NRG3: variants seen among roughly 807,000 people sequenced by gnomAD.
NRG3 encodes pro-neuregulin-3, membrane-bound isoform.
A neutral mutation model predicts 66.9 loss-of-function variants in NRG3; 31 were observed. The observed-to-expected ratio is 0.46, with a 90% CI of 0.35 to 0.63. The LOEUF is 0.63. Ranked by LOEUF, NRG3 falls within the 20% of genes least tolerant of loss-of-function variation. The probability of loss-of-function intolerance (pLI) is 0.00; values close to 1 mark genes in which losing one functional copy is unlikely to be tolerated. For synonymous variants in NRG3, 393 were observed against 359.4 expected, an observed-to-expected ratio of 1.09 and a Z score of -1.06; for missense variants, 910 against 878.9, an observed-to-expected ratio of 1.04 and a Z score of -0.45.
intron 1 of NRG3, among the ~76,000 whole-genome samples, chr10:82,059,649 T>C (rs1387338765): frequency 1.3e-5 from 2 of 152,156 alleles, no homozygotes; most frequent in African/African-American, 4.8e-5. Context: ...TTCAAATCAT[T>C]CTTACTTATG....
intron 2 of NRG3, among the ~76,000 whole-genome samples, chr10:82,479,363 G>T (rs188139504): frequency 1.1e-4 from 16 of 152,128 alleles, no homozygotes; most frequent in African/African-American, 3.6e-4. Flanking sequence ...AGAGAGGAAG[G>T]GGGGAAGAGA....
chr10:82,922,583 T>A (rs187936056), intron 4 of NRG3, among the ~76,000 whole-genome samples: 2 of 152,278 alleles, frequency 1.3e-5, no homozygotes, highest in Non-Finnish European at 2.9e-5. Flanking sequence ...TAGATGCACC[T>A]GTGGATGATA....
At chr10:82,692,177 C>CAGG (rs1380859872) in intron 2 of NRG3, among the ~76,000 whole-genome samples, 1 of 151,128 alleles carries the variant, frequency 6.6e-6, no homozygotes, top group African/African-American at 2.4e-5. Flanking sequence ...CGCTTGAACC[C>CAGG]AGGAGGCAGA....
rs1007747167 is a variant in NRG3 at position 82,782,967 on chromosome 10, C to A, written c.1027+44317C>A. Among the ~76,000 whole-genome samples the A allele has an allele frequency of 2.6e-5, 4 of 152,194 alleles. 1 individual carries two copies. Among genetic ancestry groups the A allele is most frequent in the Admixed American group, 2.0e-4 (3 of 15,272 alleles). On this transcript the variant is annotated intron_variant, in intron 3 of 8. Coordinates refer to ENST00000372141, the MANE Select transcript of NRG3 (RefSeq NM_001010848.4). ...TGATGCAAAAATCCTCAATGAAATA[C>A]TGGCAAACCAAATCCAGCAGCACAT...
intron 2 of NRG3, among the ~76,000 whole-genome samples, chr10:82,500,199 T>C (rs1844032836): frequency 6.6e-6 from 1 of 152,164 alleles, no homozygotes; most frequent in Non-Finnish European, 1.5e-5. Flanking sequence ...ATTTGATGCT[T>C]AGAATGACCA....
intron 2 of NRG3, among the ~76,000 whole-genome samples, chr10:82,510,844 G>T (rs982058023): frequency 7.9e-5 from 12 of 152,052 alleles, no homozygotes; most frequent in African/African-American, 2.9e-4. Flanking sequence ...TACAGAGCAG[G>T]GTGGAAAAGA....
intron 3 of NRG3, among the ~76,000 whole-genome samples, chr10:82,798,611 C>G (rs1397133376): frequency 1.3e-5 from 2 of 152,170 alleles, no homozygotes; most frequent in African/African-American, 4.8e-5. Context: ...TATGAAGCCA[C>G]TTCTCTCCTC....
chr10:82,987,147 T>G lies in NRG3; in HGVS notation c.*1542T>G, dbSNP rs1164611610. On this transcript the variant is annotated 3_prime_UTR_variant, in exon 9 of 9. Transcript: ENST00000372141. Reference sequence around the variant, plus strand: ...GTGTTGAGTTGTTATGTTTACACTGTTTTAAATAAAAAGGCACCGTATTTG... The same window carrying G: ...GTGTTGAGTTGTTATGTTTACACTGGTTTAAATAAAAAGGCACCGTATTTG... 1 of 152,190 alleles carries G rather than the reference T, an allele frequency of 6.6e-6. No homozygotes were observed. The highest frequency in any genetic ancestry group is 6.5e-5 in the Admixed American group (1 of 15,278). The allele number at this position is 152,190 out of a possible 1,614,324, so 9.4% of individuals were successfully genotyped here. A position where few individuals can be genotyped will look rare whatever the true frequency, so the allele number is the denominator to read the frequency against.
intron 3 of NRG3, among the ~76,000 whole-genome samples, chr10:82,832,639 G>A (rs985198141): frequency 2.6e-5 from 4 of 152,148 alleles, no homozygotes; most frequent in Non-Finnish European, 4.4e-5. Flanking sequence ...TTTCAAAAGT[G>A]TGCGATGAGA....
intron 1 of NRG3, among the ~76,000 whole-genome samples, chr10:82,078,609 C>T (rs557022580): frequency 5.9e-5 from 9 of 152,196 alleles, no homozygotes; most frequent in African/African-American, 2.2e-4. Flanking sequence ...CTTGGCCTCC[C>T]AAAGTGCTGG....
intron 2 of NRG3, among the ~76,000 whole-genome samples, chr10:82,376,847 G>C (rs1589902587): frequency 6.6e-6 from 1 of 152,082 alleles, no homozygotes; most frequent in Non-Finnish European, 1.5e-5. Context: ...TATTCATTGA[G>C]TACCTGCTCT....
At chr10:82,739,873 C>G (rs180826241) in intron 3 of NRG3, among the ~76,000 whole-genome samples, 1 of 152,228 alleles carries the variant, frequency 6.6e-6, no homozygotes, top group African/African-American at 2.4e-5. Context: ...TCTTATTTAT[C>G]AAGTGATTTG....
intron 1 of NRG3, among the ~76,000 whole-genome samples, chr10:82,188,487 G>A (rs1473713207): frequency 1.3e-5 from 2 of 152,050 alleles, no homozygotes; most frequent in African/African-American, 2.4e-5. Flanking sequence ...GCATAGCAAA[G>A]GATACAGTCA....
chr10:81,915,520 CAA>C (rs1845619799), intron 1 of NRG3, among the ~76,000 whole-genome samples: 1 of 68,316 alleles, frequency 1.5e-5, no homozygotes, highest in Non-Finnish European at 2.3e-5. Flanking sequence ...TGCCAAAACA[CAA>C]GGCATCAAAT....
intron 4 of NRG3, among the ~76,000 whole-genome samples, chr10:82,888,454 T>A (rs1842894910): frequency 6.6e-6 from 1 of 152,114 alleles, no homozygotes; most frequent in African/African-American, 2.4e-5. Context: ...GAAATGGAAT[T>A]TAAAAAATCC....
intron 3 of NRG3, among the ~76,000 whole-genome samples, chr10:82,800,061 C>T (rs2060972646): frequency 6.6e-6 from 1 of 152,060 alleles, no homozygotes; most frequent in Admixed American, 6.6e-5. Context: ...AGGTTCCTGC[C>T]TTTGGTTCTC....
At chr10:82,238,025 GTAATC>G (rs2133964433) in intron 1 of NRG3, among the ~76,000 whole-genome samples, 1 of 152,180 alleles carries the variant, frequency 6.6e-6, no homozygotes, top group Non-Finnish European at 1.5e-5. Context: ...GTGTTTCTCT[GTAATC>G]ATAAATTTGA....
At chr10:82,849,360 G>C (rs907112303) in intron 3 of NRG3, among the ~76,000 whole-genome samples, 1 of 152,156 alleles carries the variant, frequency 6.6e-6, no homozygotes, top group African/African-American at 2.4e-5. Context: ...TTCCAGAACT[G>C]AGAGAGGATA....
chr10:82,238,023 C>T (rs1303093100), intron 1 of NRG3, among the ~76,000 whole-genome samples: 1 of 152,034 alleles, frequency 6.6e-6, no homozygotes, highest in Admixed American at 6.6e-5. Flanking sequence ...TAGTGTTTCT[C>T]TGTAATCATA....
Sources: allele counts gnomAD v4.1 joint callset (sites outside exome capture counted in the v4.1 genomes callset), GRCh38; gene constraint gnomAD v4.1.1; transcripts MANE v1.5; gene names NCBI Gene and HGNC (gene_info 2026-07-23, HGNC 2026-07-21).